Variants in LPAR3 observed in about 807,000 individuals in gnomAD.
LPAR3 encodes lysophosphatidic acid receptor 3, also known as LPA receptor 3.
In LPAR3, 7 loss-of-function variants were observed where a neutral mutation model predicts 17.8. The observed-to-expected ratio is 0.39, with a 90% confidence interval of 0.22 to 0.74. The LOEUF (loss-of-function observed/expected upper bound fraction) is 0.74, where lower values mean the gene tolerates loss of function less well. Ranked by LOEUF, LPAR3 falls within the 30% of genes least tolerant of loss-of-function variation. LPAR3 has a pLI of 0.40. For missense variants in LPAR3, 391 were observed against 453.4 expected (o/e 0.86, Z 1.25); for synonymous variants, 179 against 179.9 (o/e 0.99, Z 0.04).
chr1:84,888,913 A>C (rs1660504948), intron 1 of LPAR3, among the ~76,000 whole-genome samples: 1 of 152,230 alleles, frequency 6.6e-6, no homozygotes, highest in African/African-American at 2.4e-5. Flanking sequence ...CATCCTCAGG[A>C]AGGGGTGGGG....
At chr1:84,830,632 T>G (rs1021146790) in intron 2 of LPAR3, among the ~76,000 whole-genome samples, 2 of 152,180 alleles carry the variant, frequency 1.3e-5, no homozygotes, top group African/African-American at 4.8e-5. Context: ...CATTTTCAGC[T>G]TGGATTTTCG....
At position 84,858,710 on chromosome 1, in the gene LPAR3, A is replaced by G. The variant is rs566644012; in HGVS notation, c.736+6675T>C. ...ACATCTCAACAAGTGTGTGCCAGAT[A>G]GGGTGCTAGCTGAGAGTACTAGCTG... On this transcript the variant is annotated intron_variant, in intron 2 of 2. Coordinates refer to ENST00000370611, the MANE Select transcript of LPAR3 (RefSeq NM_012152.3). Among the ~76,000 whole-genome samples the G allele has an allele frequency of 5.3e-5, 8 of 152,298 alleles. No homozygotes were observed. The South Asian group carries it at 1.7e-3, about 32-fold the overall frequency.
intron 2 of LPAR3, among the ~76,000 whole-genome samples, chr1:84,861,319 T>C (rs1341254051): frequency 6.6e-6 from 1 of 152,182 alleles, no homozygotes; most frequent in Admixed American, 6.5e-5. Flanking sequence ...AGGAAGATAC[T>C]GTGGTAGGTG....
intron 1 of LPAR3, among the ~76,000 whole-genome samples, chr1:84,872,614 GA>G (rs1387378911): frequency 6.6e-6 from 1 of 152,018 alleles, no homozygotes; most frequent in African/African-American, 2.4e-5. Flanking sequence ...ATAAATTATT[GA>G]AAAAAATAAT....
intron 1 of LPAR3, among the ~76,000 whole-genome samples, chr1:84,870,279 T>C (rs751074698): frequency 7.2e-5 from 11 of 152,240 alleles, no homozygotes; most frequent in Non-Finnish European, 1.6e-4. Context: ...AGCTACCCAG[T>C]TGCTTGTGAC....
intron 2 of LPAR3, among the ~76,000 whole-genome samples, chr1:84,819,626 G>A (rs1378426264): frequency 2.6e-5 from 4 of 152,126 alleles, no homozygotes; most frequent in Admixed American, 2.0e-4. Context: ...TTTCAAATGA[G>A]AAAATAAGCA....
chr1:84,854,581 C>T (rs1659782399), intron 2 of LPAR3, among the ~76,000 whole-genome samples: 1 of 152,192 alleles, frequency 6.6e-6, no homozygotes. Flanking sequence ...TTCCTGACAA[C>T]CATAAACCAC....
chr1:84,813,936 G>A lies in LPAR3; in HGVS notation c.972C>T (p.Pro324=). The A allele has an allele frequency of 1.2e-6, 2 of 1,614,188 alleles. No homozygotes were observed. Among genetic ancestry groups the A allele is most frequent in the Non-Finnish European group, 1.7e-6 (2 of 1,180,030 alleles). ...ENPERRPSRI[P]STVLSRSDTG... ...TGTCACTCCTGCTGAGGACTGTGGA[G>A]GGGATGCGAGAGGGACGCCTCTCTG... Residue 324 remains proline (P), a synonymous_variant, in exon 3 of 3, where the codon CCC becomes CCT. Transcript: ENST00000370611.
At chr1:84,875,528 G>A (rs575676236) in intron 1 of LPAR3, among the ~76,000 whole-genome samples, 3 of 152,256 alleles carry the variant, frequency 2.0e-5, no homozygotes, top group East Asian at 1.9e-4. Context: ...TCGCATGCTC[G>A]CCTCTCCCTT....
intron 1 of LPAR3, among the ~76,000 whole-genome samples, chr1:84,873,406 G>C (rs890247779): frequency 2.0e-5 from 3 of 152,116 alleles, no homozygotes; most frequent in Non-Finnish European, 4.4e-5. Flanking sequence ...TTTTAAAGAG[G>C]AGGCATGTTG....
At chr1:84,841,719 G>C (rs1360944078) in intron 2 of LPAR3, among the ~76,000 whole-genome samples, 4 of 152,074 alleles carry the variant, frequency 2.6e-5, no homozygotes, top group Non-Finnish European at 4.4e-5. Context: ...CCATTCATAC[G>C]GTAACACAGG....
intron 2 of LPAR3, among the ~76,000 whole-genome samples, chr1:84,836,585 C>A (rs975456004): frequency 6.6e-6 from 1 of 152,126 alleles, no homozygotes; most frequent in East Asian, 1.9e-4. Flanking sequence ...AATAACATTT[C>A]ATTTTCAATC....
At chr1:84,872,682 A>G (rs1048256879) in intron 1 of LPAR3, among the ~76,000 whole-genome samples, 2 of 152,180 alleles carry the variant, frequency 1.3e-5, no homozygotes, top group African/African-American at 4.8e-5. Flanking sequence ...AATAACATAG[A>G]TATTCCGCTG....
chr1:84,887,651 G>A (rs958534885), intron 1 of LPAR3, among the ~76,000 whole-genome samples: 1 of 152,218 alleles, frequency 6.6e-6, no homozygotes. Context: ...TATCCCAGCA[G>A]TGGGATGGGT....
chr1:84,819,200 T>C (rs1659001917), intron 2 of LPAR3, among the ~76,000 whole-genome samples: 1 of 152,262 alleles, frequency 6.6e-6, no homozygotes, highest in East Asian at 1.9e-4. Context: ...TAGCTTTTGA[T>C]GTCTGGCTTG....
chr1:84,819,501 C>G (rs958049453), intron 2 of LPAR3, among the ~76,000 whole-genome samples: 4 of 152,104 alleles, frequency 2.6e-5, no homozygotes, highest in Non-Finnish European at 5.9e-5. Flanking sequence ...AGTTTTGTAA[C>G]CTATTTCTCC....
chr1:84,861,488 T>C (rs540350267), intron 2 of LPAR3, among the ~76,000 whole-genome samples: 1 of 152,342 alleles, frequency 6.6e-6, no homozygotes, highest in South Asian at 2.1e-4. Flanking sequence ...TAAAGGATAA[T>C]TGAACTTTGT....
At chr1:84,866,365 G>T (rs1401999219) in intron 1 of LPAR3, among the ~76,000 whole-genome samples, 1 of 152,138 alleles carries the variant, frequency 6.6e-6, no homozygotes, top group African/African-American at 2.4e-5. Context: ...AGGCCGCTCA[G>T]GTTAGGAGGG....
At chr1:84,883,291 G>A (rs1010512404) in intron 1 of LPAR3, among the ~76,000 whole-genome samples, 1 of 152,178 alleles carries the variant, frequency 6.6e-6, no homozygotes, top group Non-Finnish European at 1.5e-5. Context: ...ACCAAAGGAA[G>A]AATCCTTTCC....
Sources: gnomAD v4.1 joint callset for allele counts (sites outside exome capture counted in the v4.1 genomes callset) on GRCh38, gnomAD v4.1.1 for gene constraint, MANE v1.5 for transcripts, NCBI Gene and HGNC (gene_info 2026-07-23, HGNC 2026-07-21) for gene names.